Variants in PCDH15 observed in about 807,000 individuals in gnomAD.
PCDH15 encodes protocadherin-15.
Under a neutral mutation model 178.5 loss-of-function variants are expected in PCDH15, and 129 were observed. That is an observed-to-expected ratio of 0.72 (90% CI 0.63 to 0.84). The LOEUF (loss-of-function observed/expected upper bound fraction) is 0.84, where lower values mean the gene tolerates loss of function less well. PCDH15 is among the 40% of genes least tolerant of loss of function. The pLI, the probability that PCDH15 is intolerant of heterozygous loss-of-function variation, is 0.00. For missense variants in PCDH15, 2,230 were observed against 2,099.9 expected (o/e 1.06, Z -1.21); for synonymous variants, 800 against 732.0 (o/e 1.09, Z -1.50).
intron 9 of PCDH15, among the ~76,000 whole-genome samples, chr10:54,234,652 G>A (rs2134358555): frequency 6.6e-6 from 1 of 152,226 alleles, no homozygotes; most frequent in South Asian, 2.1e-4. Context: ...TTTTTAACAT[G>A]GACAGTACAA....
intron 3 of PCDH15, among the ~76,000 whole-genome samples, chr10:54,892,819 C>G (rs985704587): frequency 6.6e-6 from 1 of 151,602 alleles, no homozygotes; most frequent in South Asian, 2.1e-4. Flanking sequence ...CTCTGCCCCC[C>G]AGGTTCAAGC....
At chr10:55,499,524 T>TA (rs1195220139) in intron 2 of PCDH15, among the ~76,000 whole-genome samples, 2 of 151,614 alleles carry the variant, frequency 1.3e-5, no homozygotes, top group Admixed American at 6.6e-5. Flanking sequence ...AATGAAATCT[T>TA]AATCAGTTTT....
chr10:54,292,923 C>T (rs1429642986), intron 8 of PCDH15, among the ~76,000 whole-genome samples: 1 of 152,132 alleles, frequency 6.6e-6, no homozygotes, highest in Non-Finnish European at 1.5e-5. Context: ...CCATCCCCAT[C>T]AAGCTACCAA....
chr10:54,041,339 T>C (rs1911400), intron 18 of PCDH15, among the ~76,000 whole-genome samples: 116,043 of 152,010 alleles, frequency 0.76, 44,472 homozygotes, highest in Middle Eastern at 0.84. Context: ...ACCATACATG[T>C]TTTCATCCAT....
chr10:54,059,732 G>A (rs1235987660), intron 18 of PCDH15, among the ~76,000 whole-genome samples: 8 of 152,156 alleles, frequency 5.3e-5, no homozygotes, highest in South Asian at 2.1e-4. Context: ...GCCACCTAAC[G>A]CATGTTTGTA....
chr10:54,117,140 C>T (rs187428784), intron 15 of PCDH15, among the ~76,000 whole-genome samples: 30 of 152,206 alleles, frequency 2.0e-4, no homozygotes, highest in Non-Finnish European at 4.1e-4. Context: ...TGGCCCAGAT[C>T]CCACATCTGC....
intron 2 of PCDH15, among the ~76,000 whole-genome samples, chr10:55,374,152 C>A (rs1175527315): frequency 6.6e-6 from 1 of 151,480 alleles, no homozygotes; most frequent in Admixed American, 6.6e-5. Flanking sequence ...TTTGATTCTT[C>A]CTTACTAAGA....
chr10:55,314,767 T>C (rs1233567128), intron 1 of PCDH15, among the ~76,000 whole-genome samples: 2 of 152,142 alleles, frequency 1.3e-5, no homozygotes, highest in Non-Finnish European at 2.9e-5. Context: ...GTTTATTGAG[T>C]TTCTATAATG....
chr10:55,523,748 C>T (rs553770260), intron 2 of PCDH15, among the ~76,000 whole-genome samples: 17 of 151,732 alleles, frequency 1.1e-4, no homozygotes, highest in Admixed American at 8.6e-4. Context: ...CATGACAATG[C>T]TAATCAAGGT....
intron 1 of PCDH15, among the ~76,000 whole-genome samples, chr10:55,261,518 G>C (rs1490333696): frequency 6.6e-6 from 1 of 152,090 alleles, no homozygotes. Flanking sequence ...GCATGTATTT[G>C]TGTATTGCAT....
chr10:54,278,677 G>A (rs2058489619), intron 8 of PCDH15, among the ~76,000 whole-genome samples: 1 of 151,516 alleles, frequency 6.6e-6, no homozygotes, highest in African/African-American at 2.4e-5. Flanking sequence ...AGGGAGTTGA[G>A]ATCATTTTGT....
At chr10:54,983,121 G>A (rs1839282400) in intron 2 of PCDH15, among the ~76,000 whole-genome samples, 1 of 152,052 alleles carries the variant, frequency 6.6e-6, no homozygotes, top group African/African-American at 2.4e-5. Flanking sequence ...CCAATGAAAA[G>A]CCTATTCAAA....
rs192446986 is a variant in PCDH15, at chr10:54,183,732, G to T, written c.1441-139C>A. The T allele has an allele frequency of 1.9e-5, 17 of 900,992 alleles. No individual in the cohort carries two copies. The South Asian group carries it at 2.0e-4, about 10-fold the overall frequency. The allele number at this position is 900,992 out of a possible 1,614,324, so 55.8% of individuals were successfully genotyped here. A position where few individuals can be genotyped will look rare whatever the true frequency, so the allele number is the denominator to read the frequency against. ...TGCAAAAATATTTTGTTGATAAAAGGACGTAATAGAGACGTAATATTACAT... is the reference window on the plus strand; with the variant it reads ...TGCAAAAATATTTTGTTGATAAAAGTACGTAATAGAGACGTAATATTACAT... On this transcript the variant is annotated intron_variant, in intron 12 of 37. Transcript: ENST00000644397.
chr10:55,331,068 T>C (rs1295000898), intron 2 of PCDH15, among the ~76,000 whole-genome samples: 1 of 151,888 alleles, frequency 6.6e-6, no homozygotes, highest in African/African-American at 2.4e-5. Context: ...AGAAATTCTC[T>C]TCTCAAGAGG....
intron 3 of PCDH15, among the ~76,000 whole-genome samples, chr10:54,408,310 A>G (rs1952975618): frequency 6.6e-6 from 1 of 152,118 alleles, no homozygotes; most frequent in Non-Finnish European, 1.5e-5. Context: ...AAATGGGCTC[A>G]CATAATATGT....
rs1564618556 is a variant in PCDH15, at chr10:54,904,329, T to A, written c.-79-6829A>T. On this transcript the variant is annotated intron_variant, in intron 2 of 5. Coordinates refer to the PCDH15 transcript ENST00000458638. ...GTTGTACTTTAAACAATACCTCCAA[T>A]AGATTTTCATACTCCATCTAACTAT... 2.0e-5 allele frequency among the ~76,000 whole-genome samples: 3 copies of A among 152,172 alleles called. No individual in the cohort carries two copies. In the East Asian group the frequency reaches 5.8e-4, roughly 29 times the overall value.
chr10:54,388,605 T>A (rs1950189475), intron 3 of PCDH15, among the ~76,000 whole-genome samples: 1 of 152,210 alleles, frequency 6.6e-6, no homozygotes, highest in Non-Finnish European at 1.5e-5. Context: ...TCCCACCATC[T>A]TCTTCTGCTA....
At chr10:54,888,359 G>A (rs1230169129) in intron 3 of PCDH15, among the ~76,000 whole-genome samples, 1 of 151,702 alleles carries the variant, frequency 6.6e-6, no homozygotes, top group African/African-American at 2.4e-5. Context: ...GTGTGGTTAG[G>A]TATATCAATA....
At chr10:54,133,214 C>T (rs1199589665) in intron 14 of PCDH15, among the ~76,000 whole-genome samples, 2 of 152,130 alleles carry the variant, frequency 1.3e-5, no homozygotes, top group Admixed American at 6.5e-5. Context: ...TAATTGACTC[C>T]AGTATCTGTT....
Sources: gnomAD v4.1 joint callset for allele counts (sites outside exome capture counted in the v4.1 genomes callset) on GRCh38, gnomAD v4.1.1 for gene constraint, MANE v1.5 for transcripts, NCBI Gene and HGNC (gene_info 2026-07-23, HGNC 2026-07-21) for gene names.